The following TBC1D1 variants were observed in gnomAD, a reference collection of about 807,000 sequenced individuals.
TBC1D1 encodes the protein TBC1 domain family member 1, also known as TBC1 (tre-2/USP6, BUB2, cdc16) domain family, member 1.
In TBC1D1, 89 loss-of-function variants were observed where a neutral mutation model predicts 125.6. The observed-to-expected ratio is 0.71, with a 90% CI of 0.60 to 0.85. The LOEUF (loss-of-function observed/expected upper bound fraction) is 0.85, where lower values mean the gene tolerates loss of function less well. Among genes scored for constraint, TBC1D1 ranks in the 40% least tolerant of loss-of-function variants. The pLI is 0.00. For synonymous variants in TBC1D1, 565 were observed against 564.1 expected, an observed-to-expected ratio of 1.00 and a Z score of -0.02; for missense variants, 1,377 against 1,469.2, an observed-to-expected ratio of 0.94 and a Z score of 1.03.
At chr4:37,919,365 A>G (rs1362830111) in intron 2 of TBC1D1, among the ~76,000 whole-genome samples, 1 of 134,634 alleles carries the variant, frequency 7.4e-6, no homozygotes, top group Admixed American at 8.0e-5. Flanking sequence ...TGGTATTTTT[A>G]ATATAGACGA....
intron 17 of TBC1D1, chr4:38,119,871 T>C: frequency 1.3e-6 from 1 of 793,506 alleles, no homozygotes; most frequent in South Asian, 5.7e-5. Context: ...ACTGGAGGGC[T>C]GAGGGGTCAT....
chr4:38,050,259 G>A (rs769173644), intron 11 of TBC1D1, among the ~76,000 whole-genome samples: 2 of 152,214 alleles, frequency 1.3e-5, no homozygotes, highest in Non-Finnish European at 2.9e-5. Context: ...TAATGGGAGG[G>A]AGAGGCGCTG....
intron 2 of TBC1D1, among the ~76,000 whole-genome samples, chr4:37,922,046 G>A (rs1211301712): frequency 6.6e-6 from 1 of 152,026 alleles, no homozygotes; most frequent in Non-Finnish European, 1.5e-5. Flanking sequence ...CTCTTTTCCT[G>A]TTTTTATCTC....
chr4:37,902,632 A>C, intron 2 of TBC1D1, 120 bp downstream of exon 2: 1 of 813,260 alleles, frequency 1.2e-6, no homozygotes, highest in Non-Finnish European at 1.8e-6. Flanking sequence ...GCAGTTATAA[A>C]TTGATTACTT....
At chr4:38,004,427 T>C (rs1739671506) in intron 2 of TBC1D1, among the ~76,000 whole-genome samples, 2 of 152,216 alleles carry the variant, frequency 1.3e-5, no homozygotes, top group Admixed American at 6.5e-5. Context: ...GGTTGGGATT[T>C]ATACTCGTCA....
chr4:38,017,749 C>T (rs893430150), intron 3 of TBC1D1, among the ~76,000 whole-genome samples: 1 of 152,122 alleles, frequency 6.6e-6, no homozygotes, highest in Non-Finnish European at 1.5e-5. Flanking sequence ...GCTCCAGAGA[C>T]GAGGAGTCTA....
At chr4:38,037,642 G>A (rs1370572571) in intron 8 of TBC1D1, among the ~76,000 whole-genome samples, 1 of 152,178 alleles carries the variant, frequency 6.6e-6, no homozygotes, top group Non-Finnish European at 1.5e-5. Flanking sequence ...GAAAATGTGG[G>A]AAGATGTGAC....
intron 12 of TBC1D1, among the ~76,000 whole-genome samples, chr4:38,082,440 G>C (rs1756736352): frequency 6.6e-6 from 1 of 152,218 alleles, no homozygotes; most frequent in Non-Finnish European, 1.5e-5. Flanking sequence ...CTGTTACAAA[G>C]ATCAGCACTT....
chr4:38,120,097 C>CCTTACCTT, intron 17 of TBC1D1: 1 of 985,424 alleles, frequency 1.0e-6, no homozygotes. Flanking sequence ...ATCAAAGCTG[C>CCTTACCTT]AGCTTGTAAA....
chr4:38,042,027 T>G (rs1415869605), intron 8 of TBC1D1, among the ~76,000 whole-genome samples: 1 of 151,786 alleles, frequency 6.6e-6, no homozygotes, highest in Admixed American at 6.6e-5. Context: ...AATACAAAAA[T>G]TAGCCAGATG....
chr4:38,123,862 G>A (rs11930382), intron 17 of TBC1D1, among the ~76,000 whole-genome samples: 3,211 of 152,330 alleles, frequency 0.021, 132 homozygotes, highest in African/African-American at 0.073. Context: ...AGAAACTACA[G>A]GGATTCAGTT....
At chr4:38,092,221 A>G (rs1025460757) in intron 13 of TBC1D1, among the ~76,000 whole-genome samples, 1 of 152,220 alleles carries the variant, frequency 6.6e-6, no homozygotes, top group Non-Finnish European at 1.5e-5. Flanking sequence ...AATGTTGCCA[A>G]TAGGTTCATG....
chr4:38,081,206 C>T (rs890015470), intron 12 of TBC1D1, among the ~76,000 whole-genome samples: 9 of 152,104 alleles, frequency 5.9e-5, no homozygotes, highest in African/African-American at 1.2e-4. Flanking sequence ...TCCTGCTTCT[C>T]GGAGCTTCTC....
intron 17 of TBC1D1, among the ~76,000 whole-genome samples, chr4:38,124,091 T>C (rs1034942244): frequency 8.5e-5 from 13 of 152,276 alleles, no homozygotes; most frequent in African/African-American, 2.9e-4. Flanking sequence ...CCTCCAATTA[T>C]ATTTCTACTC....
chr4:38,123,098 T>C (rs555719136), intron 17 of TBC1D1, among the ~76,000 whole-genome samples: 3 of 152,372 alleles, frequency 2.0e-5, no homozygotes, highest in African/African-American at 7.2e-5. Flanking sequence ...CCAGTAATTG[T>C]TTATTTTAAT....
chr4:38,014,499 C>G lies in TBC1D1; in HGVS notation c.418-10C>G, dbSNP rs760962386. On this transcript the variant is annotated splice_polypyrimidine_tract_variant and intron_variant, in intron 2 of 19. Coordinates refer to ENST00000261439, the MANE Select transcript of TBC1D1 (RefSeq NM_015173.4). The surrounding 1 kb of genome is among the most constrained non-coding windows in gnomAD (Gnocchi z 5.1). ...CATGTTCCAAATAACACGCCTCTCT[C>G]TCTCCTCAGGTGCCTGAGATCATCA... The G allele has an allele frequency of 3.4e-5, 54 of 1,608,432 alleles. No homozygotes were observed. The highest frequency in any genetic ancestry group is 4.3e-5 in the Non-Finnish European group (50 of 1,176,204).
intron 6 of TBC1D1, among the ~76,000 whole-genome samples, chr4:38,022,973 T>A (rs1744349566): frequency 6.6e-6 from 1 of 152,096 alleles, no homozygotes; most frequent in Non-Finnish European, 1.5e-5. Flanking sequence ...TTCCAGCGCT[T>A]GGGGAGGCTG....
rs1297586730 is a variant in TBC1D1 at position 37,977,141 on chromosome 4, G to A, written c.418-37368G>A. Among the ~76,000 whole-genome samples, 2 of 152,140 alleles carry A rather than the reference G, an allele frequency of 1.3e-5. No homozygotes were observed. The highest frequency in any genetic ancestry group is 2.9e-5 in the Non-Finnish European group (2 of 68,006). The stretch of plus-strand genomic sequence containing the variant: ...CCCAGCCTCCAGGGTTTCCTGCGCA[G>A]CCCTGGGCATCTCGGAAGGGGGCGA... On this transcript the variant is annotated intron_variant, in intron 2 of 19. Transcript: ENST00000261439. The surrounding 1 kb of genome is among the most constrained non-coding windows in gnomAD (Gnocchi z 4.3).
chr4:37,920,632 A>C (rs919543419), intron 2 of TBC1D1, among the ~76,000 whole-genome samples: 1 of 152,196 alleles, frequency 6.6e-6, no homozygotes. Context: ...GGCTGGAGCC[A>C]TGCAGGTGGA....
Sources: gnomAD v4.1 joint callset for allele counts (sites outside exome capture counted in the v4.1 genomes callset) on GRCh38, gnomAD v4.1.1 for gene constraint, Gnocchi (gnomAD v3.1) non-coding constraint, MANE v1.5 for transcripts, NCBI Gene and HGNC (gene_info 2026-07-23, HGNC 2026-07-21) for gene names.